NALF1: variants seen among roughly 807,000 people sequenced by gnomAD.
NALF1 encodes family with sequence similarity 155 member A.
NALF1 carries 3 observed loss-of-function variants against 48.4 expected under a neutral mutation model. The observed-to-expected ratio is 0.06, with a 90% CI of 0.03 to 0.16. The LOEUF (loss-of-function observed/expected upper bound fraction) is 0.16. NALF1 is among the 10% of genes least tolerant of loss of function. The pLI, the probability that NALF1 is intolerant of heterozygous loss-of-function variation, is 1.00. For missense variants in NALF1, 526 were observed against 571.5 expected, an observed-to-expected ratio of 0.92 and a Z score of 0.81; for synonymous variants, 262 against 245.7, an observed-to-expected ratio of 1.07 and a Z score of -0.62.
chr13:107,199,624 T>C (rs1047893863), intron 2 of NALF1, among the ~76,000 whole-genome samples: 5 of 152,200 alleles, frequency 3.3e-5, no homozygotes, highest in African/African-American at 9.7e-5. Context: ...TAAGCTTAGA[T>C]GCCACATCAC....
intron 1 of NALF1, among the ~76,000 whole-genome samples, chr13:107,389,082 C>T (rs1008662435): frequency 1.3e-5 from 2 of 152,148 alleles, no homozygotes; most frequent in African/African-American, 4.8e-5. Flanking sequence ...CTGTGCTTTT[C>T]CTGATACCTG....
intron 1 of NALF1, among the ~76,000 whole-genome samples, chr13:107,732,554 T>C (rs1376694249): frequency 6.6e-6 from 1 of 152,178 alleles, no homozygotes; most frequent in African/African-American, 2.4e-5. Flanking sequence ...CTTCCAATGG[T>C]TGTTGAATAT....
chr13:107,378,666 AATTTGAAATATTGAAC>A (rs1485404171), intron 1 of NALF1, among the ~76,000 whole-genome samples: 4 of 152,178 alleles, frequency 2.6e-5, no homozygotes, highest in African/African-American at 7.2e-5. Flanking sequence ...AAAATCTAAA[AATTTGAAATATTGAAC>A]ATTTGAAATA....
chr13:107,335,502 T>C (rs939059731), intron 1 of NALF1, among the ~76,000 whole-genome samples: 9 of 152,242 alleles, frequency 5.9e-5, no homozygotes, highest in Non-Finnish European at 1.2e-4. Context: ...CATTCTTTCA[T>C]CTAAAATTGA....
At chr13:107,852,457 C>A (rs1297903521) in intron 1 of NALF1, among the ~76,000 whole-genome samples, 1 of 152,216 alleles carries the variant, frequency 6.6e-6, no homozygotes, top group Non-Finnish European at 1.5e-5. Flanking sequence ...GTACACAACA[C>A]TTGTGTGACA....
intron 1 of NALF1, among the ~76,000 whole-genome samples, chr13:107,420,859 CTTCT>C (rs1305393045): frequency 4.6e-5 from 7 of 152,016 alleles, no homozygotes; most frequent in Non-Finnish European, 7.4e-5. Flanking sequence ...TTTTGTGTGC[CTTCT>C]TTGTCATTAG....
At chr13:107,613,209 T>A (rs1030972698) in intron 1 of NALF1, among the ~76,000 whole-genome samples, 1 of 152,154 alleles carries the variant, frequency 6.6e-6, no homozygotes, top group African/African-American at 2.4e-5. Context: ...CCTAATGAAA[T>A]TGCAAATATT....
chr13:107,319,939 G>A (rs1226132645), intron 1 of NALF1, among the ~76,000 whole-genome samples: 1 of 152,056 alleles, frequency 6.6e-6, no homozygotes, highest in African/African-American at 2.4e-5. Context: ...TGACCACAAG[G>A]CCAATTTAAA....
At position 107,293,290 on chromosome 13, in the gene NALF1, T is replaced by C. The variant is rs986420132; in HGVS notation, c.916-82535A>G. On this transcript the variant is annotated intron_variant, in intron 1 of 2. Transcript: ENST00000375915. ...CCACCGCGCTCAGCCAACTCTGTTA[T>C]AGTTTTATGGAGCCACCATCGTACA... Among the ~76,000 whole-genome samples the C allele has an allele frequency of 3.9e-5, 6 of 152,172 alleles. No individual in the cohort carries two copies. The East Asian group carries it at 5.8e-4, about 15-fold the overall frequency.
chr13:107,777,146 C>T (rs1374353215), intron 1 of NALF1, among the ~76,000 whole-genome samples: 2 of 152,156 alleles, frequency 1.3e-5, no homozygotes, highest in South Asian at 2.1e-4. Context: ...CTATATCTGG[C>T]AATTTTCCCG....
intron 1 of NALF1, among the ~76,000 whole-genome samples, chr13:107,478,764 A>G (rs769834906): frequency 5.3e-5 from 8 of 152,132 alleles, no homozygotes; most frequent in Admixed American, 3.3e-4. Context: ...AAATTAAAGA[A>G]ACAGCCTTTT....
At chr13:107,259,721 T>C (rs1880893710) in intron 1 of NALF1, among the ~76,000 whole-genome samples, 1 of 152,242 alleles carries the variant, frequency 6.6e-6, no homozygotes, top group African/African-American at 2.4e-5. Context: ...GAGGCATATA[T>C]AGTTATCTGA....
chr13:107,344,114 A>G (rs1204910175), intron 1 of NALF1, among the ~76,000 whole-genome samples: 1 of 152,184 alleles, frequency 6.6e-6, no homozygotes, highest in Non-Finnish European at 1.5e-5. Context: ...TTCCAGAAAT[A>G]TAAAGTCTAC....
intron 1 of NALF1, among the ~76,000 whole-genome samples, chr13:107,745,735 A>G (rs542999065): frequency 1.9e-4 from 29 of 152,260 alleles, no homozygotes; most frequent in Admixed American, 1.2e-3. Context: ...GTTGAACTGT[A>G]GCTCCCATAA....
At chr13:107,768,643 T>C (rs1286987931) in intron 1 of NALF1, among the ~76,000 whole-genome samples, 1 of 152,196 alleles carries the variant, frequency 6.6e-6, no homozygotes, top group African/African-American at 2.4e-5. Context: ...CTAAAACCTT[T>C]TTCGCAAGTA....
At chr13:107,245,990 A>G (rs74114009) in intron 1 of NALF1, among the ~76,000 whole-genome samples, 1,651 of 152,076 alleles carry the variant, frequency 0.011, 37 homozygotes, top group African/African-American at 0.038. Context: ...TTTCTCCACA[A>G]ATCAACTCAT....
At chr13:107,505,283 A>G (rs1298092593) in intron 1 of NALF1, among the ~76,000 whole-genome samples, 2 of 152,224 alleles carry the variant, frequency 1.3e-5, no homozygotes, top group Non-Finnish European at 2.9e-5. Context: ...GGTAAAGTGC[A>G]AGGACAAGAG....
chr13:107,663,082 T>C (rs1880770060), intron 1 of NALF1, among the ~76,000 whole-genome samples: 2 of 152,202 alleles, frequency 1.3e-5, no homozygotes, highest in South Asian at 4.1e-4. Context: ...ACATATTTGG[T>C]TGAGTAATTT....
intron 1 of NALF1, among the ~76,000 whole-genome samples, chr13:107,507,423 T>C (rs936055569): frequency 5.9e-5 from 9 of 151,902 alleles, no homozygotes; most frequent in African/African-American, 2.2e-4. Context: ...TAGCTTTTTT[T>C]TGTTTGTTTT....
Sources: gnomAD v4.1 joint callset for allele counts (sites outside exome capture counted in the v4.1 genomes callset) on GRCh38, gnomAD v4.1.1 for gene constraint, MANE v1.5 for transcripts, NCBI Gene and HGNC (gene_info 2026-07-23, HGNC 2026-07-21) for gene names.